SLC2A3: variants seen among roughly 807,000 people sequenced by gnomAD.
SLC2A3 encodes the protein solute carrier family 2 member 3, also known as solute carrier family 2, facilitated glucose transporter member 3.
In SLC2A3, 21 loss-of-function variants were observed where a neutral mutation model predicts 46.4. The observed-to-expected ratio is 0.45, with a 90% CI of 0.32 to 0.65. The LOEUF is 0.65. Among genes scored for constraint, SLC2A3 ranks in the 30% least tolerant of loss-of-function variants. The pLI, the probability that SLC2A3 is intolerant of heterozygous loss-of-function variation, is 0.04. For synonymous variants in SLC2A3, 213 were observed against 239.4 expected, an observed-to-expected ratio of 0.89 and a Z score of 1.02; for missense variants, 499 against 623.3, an observed-to-expected ratio of 0.80 and a Z score of 2.12.
intron 1 of SLC2A3, among the ~76,000 whole-genome samples, chr12:7,935,183 G>A (rs929845143): frequency 6.6e-6 from 1 of 152,190 alleles, no homozygotes; most frequent in African/African-American, 2.4e-5. Flanking sequence ...GCTGCGCGCA[G>A]TGGCTCATGC....
chr12:7,929,785 G>T lies in SLC2A3; in HGVS notation c.760C>A (p.Gln254Lys), dbSNP rs747759312. The T allele has an allele frequency of 6.2e-7, 1 of 1,613,626 alleles. No individual in the cohort carries two copies. Among genetic ancestry groups the T allele is most frequent in the Non-Finnish European group, 8.5e-7 (1 of 1,179,752 alleles). ...DESARMSQEK[Q>K]VTVLELFRVS... ...CTAAAGAGCTCTAGCACGGTGACTT[G>T]CTTTTCTTGTGACATCCTTGCACTC... The change falls in exon 6 of 10, where the codon CAA becomes AAA. Residue 254 changes from glutamine (Q) to lysine (K), a missense_variant. Coordinates refer to ENST00000075120, the MANE Select transcript of SLC2A3 (RefSeq NM_006931.3).
rs201798933 is a variant in SLC2A3, at chr12:7,933,182, G to A, written c.109-35C>T. The A allele has an allele frequency of 1.1e-5, 18 of 1,606,946 alleles. No homozygotes were observed. The Middle Eastern group carries it at 5.0e-4, about 45-fold the overall frequency. On this transcript the variant is annotated intron_variant, in intron 2 of 9. Transcript: ENST00000075120. ...AAAAGGGTTGGTGGAAGAACAGACT[G>A]TTACAGTTGGATGAGAACAAAAGAC...
chr12:7,931,382 A>G lies in SLC2A3; in HGVS notation c.373T>C (p.Leu125=), dbSNP rs758656656. Residue 125 remains leucine (L), a synonymous_variant, in exon 4 of 10, where the codon TTG becomes CTG. Transcript: ENST00000075120. ...KSVEMLILGR[L]VIGLFCGLCT... ...AGTCCGCAGAAGAGGCCAATAACCA[A>G]GCGACCCAGGATCAGCATTTCAACC... The G allele has an allele frequency of 1.5e-5, 25 of 1,613,968 alleles. No individual in the cohort carries two copies. In the East Asian group the frequency reaches 4.5e-4, roughly 29 times the overall value.
intron 1 of SLC2A3, among the ~76,000 whole-genome samples, chr12:7,935,667 G>A (rs1306286001): frequency 6.6e-6 from 1 of 152,072 alleles, no homozygotes; most frequent in Non-Finnish European, 1.5e-5. Flanking sequence ...AATGCTTCCA[G>A]AGAAGTCTTC....
Position 7,924,427 on chromosome 12 carries a change from C to A in SLC2A3, c.1051G>T (p.Val351Phe), listed in dbSNP as rs146202966. The A allele has an allele frequency of 6.2e-7, 1 of 1,610,610 alleles. No homozygotes were observed. Among genetic ancestry groups the A allele is most frequent in the Non-Finnish European group, 8.5e-7 (1 of 1,179,082 alleles). ...GMAFCSTLMT[V>F]SLLLKDNYNG... ...GCACCTACCTTTAATAACAAAGAAA[C>A]AGTCATGAGCGTGGAACAAAAAGCC... is the stretch of plus-strand genomic sequence containing the variant. Residue 351 changes from valine to phenylalanine, a missense_variant, in exon 8 of 10, where the codon GTT becomes TTT. Transcript: ENST00000075120.
chr12:7,923,012 C>G lies in SLC2A3; in HGVS notation c.1081G>C (p.Gly361Arg). 6.2e-7 allele frequency: 1 copy of G among 1,613,312 alleles called. No individual in the cohort carries two copies. The highest frequency in any genetic ancestry group is 8.5e-7 in the Non-Finnish European group (1 of 1,179,684). ...GCCCCAATACAGACAAAGCTCATCC[C>G]ATTATAGTTATCCTGTAAGAGCAAG... is the stretch of plus-strand genomic sequence containing the variant. ...VSLLLKDNYN[G>R]MSFVCIGAIL... The change falls in exon 9 of 10, where the codon GGG becomes CGG. Residue 361 changes from glycine (G) to arginine (R), a missense_variant. Gly to Arg is a moderately radical substitution (Grantham distance 125, BLOSUM62 -2). Around this residue, in one of 5 missense-constraint regions of SLC2A3, gnomAD observed 179 missense variants for 205.1 expected, o/e 0.87. Transcript: ENST00000075120.
chr12:7,925,698 C>G lies in SLC2A3; in HGVS notation c.966+146G>C. ...TTTGCTTGAAGAGTGAAGACTACAT[C>G]CAACATTAAATTTATCTCTTTTTCC... On this transcript the variant is annotated intron_variant, in intron 7 of 9. Coordinates refer to ENST00000075120, the MANE Select transcript of SLC2A3 (RefSeq NM_006931.3). 4.6e-6 allele frequency: 3 copies of G among 655,730 alleles called. No individual in the cohort carries two copies. The South Asian group carries it at 5.6e-5, about 12-fold the overall frequency. The allele number at this position is 655,730 out of a possible 1,614,324, so 40.6% of individuals were successfully genotyped here.
At chr12:7,935,631 T>C (rs2244822) in intron 1 of SLC2A3, among the ~76,000 whole-genome samples, 44,892 of 151,876 alleles carry the variant, frequency 0.3, 6,757 homozygotes, top group East Asian at 0.52. Context: ...GGCCTGTGCC[T>C]CCAAACACAG....
intron 5 of SLC2A3, 52 bp downstream of exon 5, chr12:7,930,428 A>C: frequency 6.4e-7 from 1 of 1,561,680 alleles, no homozygotes; most frequent in Non-Finnish European, 8.8e-7. Flanking sequence ...AATCATCCCT[A>C]AAACAAACCA....
intron 3 of SLC2A3, 34 bp downstream of exon 3, chr12:7,932,951 TAG>T (rs773658548): frequency 6.2e-7 from 1 of 1,607,318 alleles, no homozygotes; most frequent in South Asian, 1.1e-5. Context: ...ATGTGGCTGG[TAG>T]AGCCCACTTC....
Position 7,925,963 on chromosome 12 carries a change from A to C in SLC2A3, c.862-15T>G, listed in dbSNP as rs1215645072. 6.3e-7 allele frequency: 1 copy of C among 1,599,424 alleles called. No homozygotes were observed. Among genetic ancestry groups the C allele is most frequent in the Non-Finnish European group, 8.6e-7 (1 of 1,166,828 alleles). The stretch of plus-strand genomic sequence containing the variant: ...TAATAGAACACCTAGGAGAAAAGAA[A>C]ACATGCAGCTTTGATGCAATTCTGC... On this transcript the variant is annotated splice_polypyrimidine_tract_variant and intron_variant, in intron 6 of 9. Coordinates refer to ENST00000075120, the MANE Select transcript of SLC2A3 (RefSeq NM_006931.3).
rs946631185 is a variant in SLC2A3 at position 7,920,322 on chromosome 12, G to C, written c.*1091C>G. On this transcript the variant is annotated 3_prime_UTR_variant, in exon 10 of 10. Coordinates refer to ENST00000075120, the MANE Select transcript of SLC2A3 (RefSeq NM_006931.3). ...TTTCTTATTTGGATGGCTCTCCCAC[G>C]AGATAGGTGGCGGGATTACTTCAAA... is the stretch of plus-strand genomic sequence containing the variant. The C allele has an allele frequency of 6.6e-6, 1 of 151,930 alleles. No individual in the cohort carries two copies. Among genetic ancestry groups the C allele is most frequent in the Non-Finnish European group, 1.5e-5 (1 of 67,998 alleles). 9.4% of individuals were successfully genotyped at this position (151,930 alleles called of 1,614,324 possible). A position where few individuals can be genotyped will look rare whatever the true frequency, so the allele number is the denominator to read the frequency against.
At chr12:7,932,711 G>C (rs1946169234) in intron 3 of SLC2A3, 2 of 354,898 alleles carry the variant, frequency 5.6e-6, no homozygotes, top group Non-Finnish European at 1.0e-5. Flanking sequence ...CCCCATAGTT[G>C]AGTTTACTAG....
intron 8 of SLC2A3, 157 bp from the exon 9 acceptor site, chr12:7,923,181 T>A: frequency 1.3e-6 from 1 of 777,456 alleles, no homozygotes; most frequent in Non-Finnish European, 2.0e-6. Context: ...TTTATTTTTA[T>A]TTTTTGAGAC....
Position 7,923,014 on chromosome 12 carries a change from T to C in SLC2A3, c.1079A>G (p.Asn360Ser). Residue 360 changes from asparagine to serine, a missense_variant, in exon 9 of 10, where the codon AAT (asparagine) becomes AGT (serine). Physicochemically the swap from Asn to Ser is conservative, Grantham distance 46 (BLOSUM62 1). This residue lies in a region of SLC2A3 where 179 missense variants were observed against 205.1 expected (regional missense o/e 0.87). Coordinates refer to ENST00000075120, the MANE Select transcript of SLC2A3 (RefSeq NM_006931.3). ...TVSLLLKDNYNGMSFVCIGAI... is the reference protein window; with the variant it reads ...TVSLLLKDNYSGMSFVCIGAI... ...CCCAATACAGACAAAGCTCATCCCATTATAGTTATCCTGTAAGAGCAAGGA... is the reference window on the plus strand; with the variant it reads ...CCCAATACAGACAAAGCTCATCCCACTATAGTTATCCTGTAAGAGCAAGGA... 6.2e-7 allele frequency: 1 copy of C among 1,613,272 alleles called. No individual in the cohort carries two copies. The highest frequency in any genetic ancestry group is 8.5e-7 in the Non-Finnish European group (1 of 1,179,670).
At chr12:7,923,190 A>T (rs1248063410) in intron 8 of SLC2A3, 166 bp from the exon 9 acceptor site, 2 of 712,734 alleles carry the variant, frequency 2.8e-6, no homozygotes, top group Non-Finnish European at 4.6e-6. Context: ...ATTTTTTGAG[A>T]CAGGGTCTTA....
chr12:7,932,626 T>C (rs1479085249), intron 3 of SLC2A3: 1 of 191,544 alleles, frequency 5.2e-6, no homozygotes, highest in Non-Finnish European at 1.1e-5. Context: ...CTACCAATCC[T>C]GGGTAAAATA....
chr12:7,928,671 G>C (rs777288644), intron 6 of SLC2A3, among the ~76,000 whole-genome samples: 1 of 152,110 alleles, frequency 6.6e-6, no homozygotes, highest in South Asian at 2.1e-4. Flanking sequence ...TGCCTCACCT[G>C]CCTAGTCCCA....
intron 3 of SLC2A3, among the ~76,000 whole-genome samples, chr12:7,932,106 TC>T (rs1242013458): frequency 2.6e-5 from 4 of 151,824 alleles, no homozygotes; most frequent in Admixed American, 2.6e-4. Flanking sequence ...GGTCTCGATC[TC>T]CTGACCTTGT....
Sources: gnomAD v4.1 joint callset for allele counts (sites outside exome capture counted in the v4.1 genomes callset) on GRCh38, gnomAD v4.1.1 for gene constraint, gnomAD v4.1.1 regional missense constraint, MANE v1.5 for transcripts, NCBI Gene and HGNC (gene_info 2026-07-23, HGNC 2026-07-21) for gene names.